The following DSE variants were observed in gnomAD, a reference collection of about 807,000 sequenced individuals.
DSE encodes the protein dermatan-sulfate epimerase.
A neutral mutation model predicts 84.4 loss-of-function variants in DSE; 36 were observed. The observed-to-expected ratio is 0.43, with a 90% CI of 0.33 to 0.56. The LOEUF (loss-of-function observed/expected upper bound fraction) is 0.56, where lower values mean the gene tolerates loss of function less well. Among genes scored for constraint, DSE ranks in the 20% least tolerant of loss-of-function variants. The probability of loss-of-function intolerance (pLI) is 0.06; values close to 1 mark genes in which losing one functional copy is unlikely to be tolerated. For synonymous variants in DSE, 410 were observed against 430.1 expected, an observed-to-expected ratio of 0.95 and a Z score of 0.58; for missense variants, 862 against 1,169.6, an observed-to-expected ratio of 0.74 and a Z score of 3.84.
chr6:116,422,759 T>G (rs1203770015), intron 2 of DSE, among the ~76,000 whole-genome samples: 1 of 152,244 alleles, frequency 6.6e-6, no homozygotes, highest in Admixed American at 6.5e-5. Flanking sequence ...TGCCCCTGCT[T>G]GGATTCTTGC....
intron 2 of DSE, among the ~76,000 whole-genome samples, chr6:116,350,420 T>A (rs1778239740): frequency 6.6e-6 from 1 of 152,224 alleles, no homozygotes; most frequent in Admixed American, 6.5e-5. Context: ...AACTTGTATC[T>A]CTTCTTTTCG....
At chr6:116,402,930 A>G (rs756469890) in intron 2 of DSE, among the ~76,000 whole-genome samples, 4 of 152,244 alleles carry the variant, frequency 2.6e-5, no homozygotes, top group Non-Finnish European at 5.9e-5. Context: ...AATAGTAAAT[A>G]AAGAGGTTAA....
chr6:116,393,540 G>T (rs538380591), intron 1 of DSE, among the ~76,000 whole-genome samples: 24 of 152,264 alleles, frequency 1.6e-4, no homozygotes, highest in Non-Finnish European at 1.0e-4. Flanking sequence ...TTCATGTCAT[G>T]TTCTATGCTA....
chr6:116,409,530 T>C (rs998683757), intron 2 of DSE, among the ~76,000 whole-genome samples: 2 of 152,116 alleles, frequency 1.3e-5, no homozygotes, highest in South Asian at 2.1e-4. Context: ...CCGCCCACCT[T>C]GGCCTCCCAA....
chr6:116,300,353 T>C (rs1774957036), intron 2 of DSE, among the ~76,000 whole-genome samples: 1 of 152,246 alleles, frequency 6.6e-6, no homozygotes. Flanking sequence ...CATATTTGAG[T>C]ATTATTTTCA....
intron 2 of DSE, among the ~76,000 whole-genome samples, chr6:116,263,096 G>A (rs1041289767): frequency 6.6e-6 from 1 of 152,148 alleles, no homozygotes; most frequent in Non-Finnish European, 1.5e-5. Flanking sequence ...CTGCTATTTT[G>A]GGGTGGAGAG....
chr6:116,254,395 T>C, intron 1 of DSE: 1 of 465,896 alleles, frequency 2.1e-6, no homozygotes. Flanking sequence ...TGAGTTACTG[T>C]CTATTCAAGT....
At chr6:116,424,207 G>A (rs554065483) in intron 2 of DSE, among the ~76,000 whole-genome samples, 1 of 152,314 alleles carries the variant, frequency 6.6e-6, no homozygotes, top group East Asian at 1.9e-4. Context: ...GTCACCATGA[G>A]TCAGTGAAGA....
intron 2 of DSE, among the ~76,000 whole-genome samples, chr6:116,361,744 T>TA (rs1056019906): frequency 2.0e-5 from 3 of 152,148 alleles, no homozygotes; most frequent in Non-Finnish European, 2.9e-5. Flanking sequence ...AGAAACACAT[T>TA]AACCATCAAA....
chr6:116,355,960 A>G (rs1778546577), intron 2 of DSE: 1 of 152,244 alleles, frequency 6.6e-6, no homozygotes, highest in African/African-American at 2.4e-5. Flanking sequence ...ATACTAGACA[A>G]AACATAGTTC....
intron 2 of DSE, among the ~76,000 whole-genome samples, chr6:116,288,788 A>T (rs1366973685): frequency 5.9e-5 from 9 of 152,192 alleles, no homozygotes; most frequent in Non-Finnish European, 1.5e-5. Context: ...GGACAACATT[A>T]TTCTAGACAT....
At chr6:116,261,328 C>T (rs916714806) in intron 2 of DSE, among the ~76,000 whole-genome samples, 14 of 151,954 alleles carry the variant, frequency 9.2e-5, no homozygotes, top group Non-Finnish European at 1.8e-4. Flanking sequence ...CCCAGGTTCA[C>T]GCCACTCTCC....
intron 2 of DSE, chr6:116,355,591 C>G (rs942796967): frequency 2.6e-5 from 4 of 152,166 alleles, no homozygotes; most frequent in Non-Finnish European, 5.9e-5. Context: ...TACATATACC[C>G]GCTTCTTTCA....
In DSE at chr6:116,430,597, A is replaced by C. The variant is rs562731343; in HGVS notation, c.671-357A>C. Among the ~76,000 whole-genome samples the C allele has an allele frequency of 2.6e-4, 40 of 151,694 alleles. No individual in the cohort carries two copies. In the South Asian group the frequency reaches 7.9e-3, roughly 30 times the overall value. ...CGCTTTGTCGCCCTGGCTGGAGTGC[A>C]GTGGCGCGATCTCCGCTCACTGCAA... On this transcript the variant is annotated intron_variant, in intron 3 of 5. Transcript: ENST00000644252.
intron 1 of DSE, among the ~76,000 whole-genome samples, chr6:116,388,395 C>T (rs1370749527): frequency 2.0e-5 from 3 of 152,206 alleles, no homozygotes; most frequent in African/African-American, 7.2e-5. Flanking sequence ...AGTTTAGTCT[C>T]TTCTGGAAAC....
At chr6:116,292,812 G>A (rs1303161280) in intron 2 of DSE, among the ~76,000 whole-genome samples, 2 of 152,220 alleles carry the variant, frequency 1.3e-5, no homozygotes, top group African/African-American at 4.8e-5. Context: ...AAGCATCCAT[G>A]TTAATTAGAA....
chr6:116,258,896 TA>T (rs1161917800), exon 2 of DSE: 1 of 1,597,382 alleles, frequency 6.3e-7, no homozygotes, highest in Non-Finnish European at 8.6e-7. Context: ...ATCATGGAGT[TA>T]GTAAGGCGCT....
At position 116,359,761 on chromosome 6, in the gene DSE, A is replaced by G. The variant is rs2114875335; in HGVS notation, c.-53-39437A>G. Among the ~76,000 whole-genome samples, 4 of 152,338 alleles carry G rather than the reference A, an allele frequency of 2.6e-5. No individual in the cohort carries two copies. In the South Asian group the frequency reaches 8.3e-4, roughly 32 times the overall value. ...CAATATTATTACAAATTAGGAATCTATAATACTTCCATTACTTTTCAAGCA... is the reference window on the plus strand; with the variant it reads ...CAATATTATTACAAATTAGGAATCTGTAATACTTCCATTACTTTTCAAGCA... On this transcript the variant is annotated intron_variant, in intron 2 of 3. Coordinates refer to the DSE transcript ENST00000430252.
At chr6:116,367,113 A>AGG (rs933995445), upstream of DSE, 4 of 152,360 alleles carry the variant, frequency 2.6e-5, no homozygotes, top group African/African-American at 9.6e-5. Context: ...AAAGGCAGGG[A>AGG]GGGAGGCCTG....
Sources: allele counts gnomAD v4.1 joint callset (sites outside exome capture counted in the v4.1 genomes callset), GRCh38; gene constraint gnomAD v4.1.1; transcripts MANE v1.5; gene names NCBI Gene and HGNC (gene_info 2026-07-23, HGNC 2026-07-21).